CDH13: variants seen among roughly 807,000 people sequenced by gnomAD.
The protein encoded by CDH13 is cadherin 13.
CDH13 carries 24 observed loss-of-function variants against 63.8 expected under a neutral mutation model. That is an observed-to-expected ratio of 0.38 (90% CI 0.27 to 0.53). CDH13 has a LOEUF of 0.53. Ranked by LOEUF, CDH13 falls within the 20% of genes least tolerant of loss-of-function variation. CDH13 has a pLI of 0.85. For synonymous variants in CDH13, 503 were observed against 355.3 expected, an observed-to-expected ratio of 1.42 and a Z score of -4.67; for missense variants, 1,049 against 903.1, an observed-to-expected ratio of 1.16 and a Z score of -2.07.
intron 5 of CDH13, among the ~76,000 whole-genome samples, chr16:83,285,884 A>T (rs886206198): frequency 6.6e-6 from 1 of 152,216 alleles, no homozygotes; most frequent in African/African-American, 2.4e-5. Context: ...CATTGTGGCC[A>T]GGCATCACAG....
chr16:83,172,478 G>T (rs909920204), intron 4 of CDH13, among the ~76,000 whole-genome samples: 2 of 151,760 alleles, frequency 1.3e-5, no homozygotes, highest in Admixed American at 1.3e-4. Flanking sequence ...GTGACAGAGA[G>T]ACTCTGTCTC....
At chr16:83,749,339 T>C (rs540032599) in intron 11 of CDH13, among the ~76,000 whole-genome samples, 16 of 152,038 alleles carry the variant, frequency 1.1e-4, no homozygotes, top group Non-Finnish European at 2.2e-4. Flanking sequence ...ACACAATAAG[T>C]AGAGAGTGCT....
At chr16:83,770,324 CG>C (rs1914678131) in intron 11 of CDH13, among the ~76,000 whole-genome samples, 1 of 152,134 alleles carries the variant, frequency 6.6e-6, no homozygotes, top group African/African-American at 2.4e-5. Flanking sequence ...CTCTTATGGA[CG>C]GGGAAGTGCT....
intron 6 of CDH13, among the ~76,000 whole-genome samples, chr16:83,478,719 G>A (rs2073677511): frequency 6.6e-6 from 1 of 151,612 alleles, no homozygotes; most frequent in Admixed American, 6.6e-5. Context: ...CTGCCACTCT[G>A]CAGTTCCATC....
At chr16:83,461,280 G>A (rs1326055714) in intron 6 of CDH13, among the ~76,000 whole-genome samples, 1 of 152,024 alleles carries the variant, frequency 6.6e-6, no homozygotes, top group African/African-American at 2.4e-5. Flanking sequence ...TGGAAAAGAG[G>A]AAGTATCAGC....
At chr16:83,004,442 C>T (rs765963231) in intron 2 of CDH13, among the ~76,000 whole-genome samples, 1 of 152,194 alleles carries the variant, frequency 6.6e-6, no homozygotes, top group Non-Finnish European at 1.5e-5. Context: ...TCATAAACCA[C>T]TCCAGGGCAG....
chr16:83,618,467 C>G (rs1909498639), intron 8 of CDH13, among the ~76,000 whole-genome samples: 1 of 151,422 alleles, frequency 6.6e-6, no homozygotes, highest in African/African-American at 2.4e-5. Flanking sequence ...GCATCTCATT[C>G]AATACATAGT....
chr16:83,570,172 G>GC (rs1491370295), intron 7 of CDH13, among the ~76,000 whole-genome samples: 5 of 152,148 alleles, frequency 3.3e-5, no homozygotes, highest in African/African-American at 1.2e-4. Context: ...AGGAACCTGA[G>GC]CACACAGGAT....
chr16:83,782,170 G>A (rs909824306), intron 12 of CDH13, among the ~76,000 whole-genome samples: 1 of 151,208 alleles, frequency 6.6e-6, no homozygotes, highest in African/African-American at 2.4e-5. Flanking sequence ...TTGTCTCACA[G>A]TTTTTTTTTC....
At chr16:83,357,944 G>C (rs1020903021) in intron 6 of CDH13, among the ~76,000 whole-genome samples, 19 of 152,106 alleles carry the variant, frequency 1.2e-4, no homozygotes, top group African/African-American at 4.6e-4. Flanking sequence ...CCTCTGCTGA[G>C]GGCTTCCTGT....
At chr16:83,132,058 A>T (rs1370200764) in intron 4 of CDH13, among the ~76,000 whole-genome samples, 1 of 152,190 alleles carries the variant, frequency 6.6e-6, no homozygotes, top group African/African-American at 2.4e-5. Context: ...CCTGAGATTT[A>T]TGCCCACCTA....
intron 1 of CDH13, among the ~76,000 whole-genome samples, chr16:82,761,017 C>CTTTCTTTTT (rs2034820362): frequency 2.5e-5 from 1 of 40,486 alleles, no homozygotes; most frequent in African/African-American, 8.9e-5. Flanking sequence ...TTCTTTCTTT[C>CTTTCTTTTT]TTTTTTTTTT....
chr16:83,633,405 C>G (rs1265383583), intron 8 of CDH13, among the ~76,000 whole-genome samples: 3 of 152,192 alleles, frequency 2.0e-5, no homozygotes, highest in African/African-American at 7.2e-5. Flanking sequence ...AAGAGCACAT[C>G]TGAAGTTAGT....
At chr16:83,196,054 G>A (rs925781595) in intron 4 of CDH13, among the ~76,000 whole-genome samples, 4 of 152,248 alleles carry the variant, frequency 2.6e-5, no homozygotes, top group East Asian at 1.9e-4. Context: ...TCACAAGTTC[G>A]CAATCAGCCT....
chr16:83,092,156 C>T (rs2033943922), intron 3 of CDH13, among the ~76,000 whole-genome samples: 1 of 152,130 alleles, frequency 6.6e-6, no homozygotes, highest in East Asian at 1.9e-4. Flanking sequence ...TTCTTGTTCC[C>T]GTTTTATAGA....
chr16:83,750,533 G>A (rs1912996110), intron 11 of CDH13, among the ~76,000 whole-genome samples: 1 of 152,142 alleles, frequency 6.6e-6, no homozygotes, highest in Non-Finnish European at 1.5e-5. Flanking sequence ...CAGGCTTGTT[G>A]CGGATGTGGT....
At chr16:83,275,450 G>C (rs1017587766) in intron 5 of CDH13, among the ~76,000 whole-genome samples, 1 of 152,198 alleles carries the variant, frequency 6.6e-6, no homozygotes, top group Admixed American at 6.5e-5. Context: ...TCAGAGTAAA[G>C]AAGACAGCAC....
chr16:83,537,598 T>C (rs4580144), intron 7 of CDH13, among the ~76,000 whole-genome samples: 150,349 of 152,256 alleles, frequency 0.99, 74,260 homozygotes, highest in Middle Eastern at 1. Context: ...TTCTCAGAAC[T>C]TTCAGTACCC....
intron 3 of CDH13, among the ~76,000 whole-genome samples, chr16:83,115,994 G>C (rs1177037569): frequency 2.0e-5 from 3 of 152,172 alleles, no homozygotes; most frequent in East Asian, 3.9e-4. Flanking sequence ...CTTGTGTTCA[G>C]GTGTGCAGGA....
Sources: allele counts gnomAD v4.1 joint callset (sites outside exome capture counted in the v4.1 genomes callset), GRCh38; gene constraint gnomAD v4.1.1; transcripts MANE v1.5; gene names NCBI Gene and HGNC (gene_info 2026-07-23, HGNC 2026-07-21).